MTHFD2L: variants seen among roughly 807,000 people sequenced by gnomAD.
MTHFD2L encodes methylenetetrahydrofolate dehydrogenase (NADP+ dependent) 2 like.
Under a neutral mutation model 34.9 loss-of-function variants are expected in MTHFD2L, and 29 were observed. The ratio of observed to expected loss-of-function variants is 0.83; its 90% confidence interval spans 0.62 to 1.13. The LOEUF is 1.13. MTHFD2L is among the 50% of genes most tolerant of loss of function. The pLI is 0.00. For synonymous variants in MTHFD2L, 167 were observed against 155.7 expected, an observed-to-expected ratio of 1.07 and a Z score of -0.54; for missense variants, 481 against 446.5, an observed-to-expected ratio of 1.08 and a Z score of -0.70.
rs528529996 is a variant in MTHFD2L, at chr4:74,256,224, C to G, written c.806-25201C>G. Among the ~76,000 whole-genome samples, 38 of 152,256 alleles carry G rather than the reference C, an allele frequency of 2.5e-4. No homozygotes were observed. The South Asian group carries it at 7.7e-3, about 31-fold the overall frequency. ...GTATAAGATGGTATCTCTTTCCTCT[C>G]TTAGCCTCCTGAGTAGCTGGGACTA... is the stretch of plus-strand genomic sequence containing the variant. On this transcript the variant is annotated intron_variant, in intron 6 of 7. Transcript: ENST00000325278.
intron 5 of MTHFD2L, among the ~76,000 whole-genome samples, chr4:74,214,895 G>T (rs1736931456): frequency 1.3e-5 from 2 of 151,740 alleles, no homozygotes; most frequent in South Asian, 4.1e-4. Context: ...TCTTTCAGAG[G>T]TGCCCTGCCC....
intron 1 of MTHFD2L, 72 bp downstream of exon 1, chr4:74,158,353 G>A: frequency 9.1e-7 from 1 of 1,099,794 alleles, no homozygotes. Context: ...GGCGGCGCTC[G>A]CGCGCGTGGG....
intron 6 of MTHFD2L, among the ~76,000 whole-genome samples, chr4:74,262,787 T>C (rs1744836631): frequency 1.3e-5 from 2 of 152,076 alleles, no homozygotes; most frequent in Admixed American, 6.5e-5. Flanking sequence ...TATGCTTTAT[T>C]ATAGTCCCTC....
At position 74,281,447 on chromosome 4, in the gene MTHFD2L, T is replaced by A; in HGVS notation, c.828T>A (p.Ser276=). 1 of 1,612,632 alleles carries A rather than the reference T, an allele frequency of 6.2e-7. No homozygotes were observed. The highest frequency in any genetic ancestry group is 8.5e-7 in the Non-Finnish European group (1 of 1,179,128). The part of the protein sequence containing the change: ...VAAGIPKLIT[S]DMVKEGAAVI... Reference sequence around the variant, plus strand: ...CAGGTATTCCAAAGTTGATTACGTCTGATATGGTTAAAGAAGGTGCTGCTG... The same window carrying A: ...CAGGTATTCCAAAGTTGATTACGTCAGATATGGTTAAAGAAGGTGCTGCTG... Residue 276 remains serine (S), a synonymous_variant, in exon 7 of 8, where the codon TCT becomes TCA. Transcript: ENST00000325278.
intron 1 of MTHFD2L, among the ~76,000 whole-genome samples, chr4:74,136,723 C>G (rs1259727880): frequency 1.3e-5 from 2 of 151,948 alleles, no homozygotes; most frequent in Non-Finnish European, 2.9e-5. Context: ...GACTTCAAAT[C>G]TATTACAAAG....
intron 1 of MTHFD2L, among the ~76,000 whole-genome samples, chr4:74,135,844 C>T (rs575363114): frequency 9.2e-5 from 14 of 152,032 alleles, no homozygotes; most frequent in East Asian, 3.9e-4. Flanking sequence ...ATGTTATACA[C>T]GACATTAACA....
chr4:74,130,582 A>C (rs941783008), intron 1 of MTHFD2L, among the ~76,000 whole-genome samples: 5 of 152,046 alleles, frequency 3.3e-5, no homozygotes, highest in Non-Finnish European at 4.4e-5. Context: ...TGATGGAACA[A>C]ATTTAAAAAC....
At chr4:74,221,891 T>C (rs545254157) in intron 5 of MTHFD2L, among the ~76,000 whole-genome samples, 2 of 152,046 alleles carry the variant, frequency 1.3e-5, no homozygotes, top group Non-Finnish European at 2.9e-5. Flanking sequence ...GTACTCTTAA[T>C]TCTCTATTTA....
intron 6 of MTHFD2L, chr4:74,280,112 A>G (rs989761866): frequency 3.3e-5 from 5 of 152,142 alleles, no homozygotes; most frequent in African/African-American, 9.7e-5. Flanking sequence ...CACCATGTCC[A>G]CTAGAAGCAT....
chr4:74,220,513 T>C (rs561365437), intron 5 of MTHFD2L, among the ~76,000 whole-genome samples: 1 of 152,052 alleles, frequency 6.6e-6, no homozygotes, highest in South Asian at 2.1e-4. Context: ...TTTTAATGAA[T>C]ATAGGTGGAA....
intron 6 of MTHFD2L, among the ~76,000 whole-genome samples, chr4:74,258,267 A>G (rs1399795836): frequency 2.0e-5 from 3 of 152,186 alleles, no homozygotes; most frequent in African/African-American, 4.8e-5. Context: ...TCTTGAAGAG[A>G]TAACTGCAGT....
chr4:74,214,684 G>A (rs1023825065), intron 5 of MTHFD2L, among the ~76,000 whole-genome samples: 1 of 151,768 alleles, frequency 6.6e-6, no homozygotes, highest in Non-Finnish European at 1.5e-5. Flanking sequence ...GAGGCACAGG[G>A]GTCAGGGATC....
intron 1 of MTHFD2L, among the ~76,000 whole-genome samples, chr4:74,134,101 T>A (rs1470411776): frequency 6.6e-6 from 1 of 152,150 alleles, no homozygotes; most frequent in Non-Finnish European, 1.5e-5. Context: ...TCAACCAGCT[T>A]TCCCATCTTC....
rs77287883 is a variant in MTHFD2L at position 74,241,454 on chromosome 4, C to T, written c.805+16060C>T. ...TATTTCCCATGCTGGAGTGCAGTGG[C>T]GCAATCATGGCTCACTGTAGCCTTG... On this transcript the variant is annotated intron_variant, in intron 6 of 7. Coordinates refer to ENST00000325278, the MANE Select transcript of MTHFD2L (RefSeq NM_001144978.3). 2.2e-3 allele frequency: 434 copies of T among 196,498 alleles called. 3 individuals are homozygous for T. Among genetic ancestry groups the T allele is most frequent in the Non-Finnish European group, 2.9e-3 (267 of 90,680 alleles). 12.2% of individuals were successfully genotyped at this position (196,498 alleles called of 1,614,324 possible). A position where few individuals can be genotyped will look rare whatever the true frequency, so the allele number is the denominator to read the frequency against.
intron 6 of MTHFD2L, among the ~76,000 whole-genome samples, chr4:74,265,459 G>T (rs1331265788): frequency 6.6e-6 from 1 of 152,164 alleles, no homozygotes; most frequent in Non-Finnish European, 1.5e-5. Context: ...TCTCAGTGTG[G>T]ATTGGCTATG....
rs1281541903 is a variant in MTHFD2L at position 74,144,420 on chromosome 4, T to C, written c.-296-15635T>C. Among the ~76,000 whole-genome samples the C allele has an allele frequency of 2.0e-5, 3 of 152,100 alleles. No individual in the cohort carries two copies. In the East Asian group the frequency reaches 5.8e-4, roughly 29 times the overall value. On this transcript the variant is annotated intron_variant, in intron 1 of 7. Coordinates refer to the MTHFD2L transcript ENST00000433372. The stretch of plus-strand genomic sequence containing the variant: ...ATGAGCTGAGATTGTGCCACTGCGC[T>C]CCAGCCTGAATGACAAGGTGAGACT...
At chr4:74,281,985 C>T (rs1747547504) in intron 7 of MTHFD2L, among the ~76,000 whole-genome samples, 2 of 152,186 alleles carry the variant, frequency 1.3e-5, no homozygotes, top group Non-Finnish European at 2.9e-5. Flanking sequence ...ACCCTAACTA[C>T]ATTTCAGATC....
chr4:74,274,885 G>T (rs989302153), intron 6 of MTHFD2L, among the ~76,000 whole-genome samples: 2 of 152,102 alleles, frequency 1.3e-5, no homozygotes, highest in Non-Finnish European at 2.9e-5. Flanking sequence ...ACATGTTAGG[G>T]TGTGGGGGCA....
At chr4:74,162,505 CTT>C (rs3051352) in intron 1 of MTHFD2L, among the ~76,000 whole-genome samples, 115 of 124,230 alleles carry the variant, frequency 9.3e-4, no homozygotes, top group African/African-American at 2.3e-3. Context: ...TCTCTCCCCA[CTT>C]TTTTTTTTTT....
Sources: gnomAD v4.1 joint callset for allele counts (sites outside exome capture counted in the v4.1 genomes callset) on GRCh38, gnomAD v4.1.1 for gene constraint, MANE v1.5 for transcripts, NCBI Gene and HGNC (gene_info 2026-07-23, HGNC 2026-07-21) for gene names.